Variants in LARGE1 observed in about 807,000 individuals in gnomAD.
The protein encoded by LARGE1 is xylosyl- and glucuronyltransferase LARGE1.
In LARGE1, 43 loss-of-function variants were observed where a neutral mutation model predicts 87.6. The observed-to-expected ratio is 0.49, with a 90% confidence interval of 0.38 to 0.63. The LOEUF (loss-of-function observed/expected upper bound fraction) is 0.63. Ranked by LOEUF, LARGE1 falls within the 30% of genes least tolerant of loss-of-function variation. The pLI, the probability that LARGE1 is intolerant of heterozygous loss-of-function variation, is 0.00. For synonymous variants in LARGE1, 434 were observed against 394.6 expected (o/e 1.10, Z -1.18); for missense variants, 802 against 1,000.2 (o/e 0.80, Z 2.67).
At chr22:33,106,398 G>A in the LARGE1 span, among the ~76,000 whole-genome samples, 4 of 152,196 alleles carry the variant, frequency 2.6e-5, no homozygotes, top group East Asian at 5.8e-4. Context: ...AATGAGGAAC[G>A]GTTCACAAGA....
chr22:33,432,018 A>C (rs2067097638), intron 7 of LARGE1, 143 bp downstream of exon 7: 1 of 717,560 alleles, frequency 1.4e-6, no homozygotes, highest in African/African-American at 1.7e-5. Context: ...CTGGAATGCA[A>C]ACTGCCCACA....
chr22:33,279,835 T>C (rs545648075), intron 13 of LARGE1, among the ~76,000 whole-genome samples: 1 of 152,326 alleles, frequency 6.6e-6, no homozygotes, highest in East Asian at 1.9e-4. Context: ...TCAACAGAAC[T>C]GGCACAGCAC....
chr22:33,644,848 T>C (rs1305671115), intron 3 of LARGE1, among the ~76,000 whole-genome samples: 2 of 152,036 alleles, frequency 1.3e-5, no homozygotes, highest in African/African-American at 4.8e-5. Context: ...GGAATACAAC[T>C]TATAAGGGTT....
At chr22:33,203,345 C>T (rs904503625) in intron 11 of LARGE1, among the ~76,000 whole-genome samples, 1 of 152,186 alleles carries the variant, frequency 6.6e-6, no homozygotes, top group Admixed American at 6.5e-5. Flanking sequence ...CGAGCCTGAT[C>T]TCCCAGGAGA....
chr22:33,611,911 A>G (rs932629160), intron 4 of LARGE1, among the ~76,000 whole-genome samples: 7 of 151,596 alleles, frequency 4.6e-5, no homozygotes, highest in Non-Finnish European at 1.0e-4. Context: ...AGATTGTGGC[A>G]CCTCCCACCC....
chr22:33,451,348 A>T (rs1027941745), intron 6 of LARGE1, among the ~76,000 whole-genome samples: 2 of 124,778 alleles, frequency 1.6e-5, no homozygotes, highest in African/African-American at 6.4e-5. Context: ...TGCCAAAAAA[A>T]TTCTTATTTT....
chr22:33,094,291 T>G, the LARGE1 span, among the ~76,000 whole-genome samples: 5 of 152,126 alleles, frequency 3.3e-5, no homozygotes, highest in African/African-American at 1.2e-4. Flanking sequence ...CTGTCCTCAT[T>G]AGAGGCTCCC....
chr22:33,347,439 T>C (rs1939889407), intron 9 of LARGE1, among the ~76,000 whole-genome samples: 1 of 152,208 alleles, frequency 6.6e-6, no homozygotes, highest in Admixed American at 6.5e-5. Context: ...TCCTCACATT[T>C]TGTCTGTCTA....
In LARGE1 at chr22:33,214,745, C is replaced by T. The variant is rs201001776; in HGVS notation, c.1731-47913G>A. Among the ~76,000 whole-genome samples, 30 of 152,300 alleles carry T rather than the reference C, an allele frequency of 2.0e-4. No individual in the cohort carries two copies. In the East Asian group the frequency reaches 4.2e-3, roughly 22 times the overall value. On this transcript the variant is annotated intron_variant, in intron 11 of 11. Coordinates refer to the LARGE1 transcript ENST00000608642. ...AGGATTTTCCTTCAGGTTCCATTTT[C>T]GAGGGAGCCCGGTCTTTCACATGAA...
At chr22:33,093,415 C>T in the LARGE1 span, among the ~76,000 whole-genome samples, 1 of 152,240 alleles carries the variant, frequency 6.6e-6, no homozygotes, top group Middle Eastern at 3.4e-3. Flanking sequence ...TACCCAAAAC[C>T]CAGTAATGCT....
chr22:33,171,921 C>T (rs557620483), intron 11 of LARGE1, among the ~76,000 whole-genome samples: 36 of 152,264 alleles, frequency 2.4e-4, no homozygotes, highest in Admixed American at 9.8e-4. Flanking sequence ...CTGACAGAGG[C>T]ACCATACACC....
At chr22:33,397,431 C>T (rs1012741861) in intron 7 of LARGE1, among the ~76,000 whole-genome samples, 1 of 152,194 alleles carries the variant, frequency 6.6e-6, no homozygotes, top group Admixed American at 6.5e-5. Context: ...CGCCTTCTTA[C>T]ACAATAGCAT....
intron 11 of LARGE1, among the ~76,000 whole-genome samples, chr22:33,216,156 T>A (rs917221726): frequency 6.6e-6 from 1 of 152,226 alleles, no homozygotes; most frequent in Non-Finnish European, 1.5e-5. Flanking sequence ...AATGTCCATA[T>A]GTGCCTGGGT....
At position 33,274,286 on chromosome 22, in the gene LARGE1, G is replaced by A; in HGVS notation, c.*141C>T. The A allele has an allele frequency of 2.4e-6, 2 of 842,874 alleles. No homozygotes were observed. The highest frequency in any genetic ancestry group is 2.0e-6 in the Non-Finnish European group (1 of 507,970). The allele number at this position is 842,874 out of a possible 1,614,324, so 52.2% of individuals were successfully genotyped here. ...TCCTTGTCCAAGGTCTCTGTAGTGA[G>A]GGCAGCTTGGCTGGGCCAAAGAGAT... On this transcript the variant is annotated 3_prime_UTR_variant, in exon 15 of 15. Transcript: ENST00000397394.
chr22:33,516,864 G>A lies in LARGE1; in HGVS notation c.787+47984C>T, dbSNP rs188563281. Among the ~76,000 whole-genome samples the A allele has an allele frequency of 3.2e-3, 491 of 152,184 alleles. 2 individuals are homozygous for A. Among genetic ancestry groups the A allele is most frequent in the African/African-American group, 0.011 (471 of 41,528 alleles). ...CTCCCAAAGTGCTGTGATTACAGGC[G>A]TGAGCCACCATGCCCAGCCCACTTC... On this transcript the variant is annotated intron_variant, in intron 6 of 14. Coordinates refer to ENST00000397394, the MANE Select transcript of LARGE1 (RefSeq NM_133642.5).
intron 7 of LARGE1, among the ~76,000 whole-genome samples, chr22:33,401,728 G>A (rs999561908): frequency 7.2e-5 from 11 of 152,178 alleles, no homozygotes; most frequent in African/African-American, 2.7e-4. Context: ...CTATATAGAA[G>A]CCAAGGAGAG....
intron 2 of LARGE1, among the ~76,000 whole-genome samples, chr22:33,720,863 T>C (rs1275779475): frequency 6.6e-6 from 1 of 152,162 alleles, no homozygotes; most frequent in African/African-American, 2.4e-5. Flanking sequence ...TAAGAAAAGA[T>C]AAGGCTTCTG....
chr22:33,770,056 T>C (rs1269598473), intron 1 of LARGE1, among the ~76,000 whole-genome samples: 3 of 152,212 alleles, frequency 2.0e-5, no homozygotes, highest in Non-Finnish European at 4.4e-5. Context: ...GAAGCAATCA[T>C]AGAACATAAT....
intron 1 of LARGE1, among the ~76,000 whole-genome samples, chr22:33,883,861 C>T (rs1475974757): frequency 6.6e-6 from 1 of 152,226 alleles, no homozygotes; most frequent in African/African-American, 2.4e-5. Context: ...TCCACCCTCC[C>T]TCTCTCTCCC....
Sources: gnomAD v4.1 joint callset for allele counts (sites outside exome capture counted in the v4.1 genomes callset) on GRCh38, gnomAD v4.1.1 for gene constraint, MANE v1.5 for transcripts, NCBI Gene and HGNC (gene_info 2026-07-23, HGNC 2026-07-21) for gene names.